The following DYNC1I1 variants were observed in gnomAD, a reference collection of about 807,000 sequenced individuals.
The protein encoded by DYNC1I1 is cytoplasmic dynein 1 intermediate chain 1.
In DYNC1I1, 43 loss-of-function variants were observed where a neutral mutation model predicts 86.6. The ratio of observed to expected loss-of-function variants is 0.50; its 90% CI spans 0.39 to 0.64. DYNC1I1 has a LOEUF of 0.64. DYNC1I1 is among the 30% of genes least tolerant of loss of function. DYNC1I1 has a pLI of 0.00. For synonymous variants in DYNC1I1, 262 were observed against 283.7 expected (o/e 0.92, Z 0.77); for missense variants, 604 against 788.8 (o/e 0.77, Z 2.81).
At chr7:96,093,089 A>C (rs1467182683) in intron 16 of DYNC1I1, among the ~76,000 whole-genome samples, 1 of 152,180 alleles carries the variant, frequency 6.6e-6, no homozygotes, top group Non-Finnish European at 1.5e-5. Context: ...TTCCCAAGGA[A>C]ATTTTTTTAA....
At chr7:95,965,794 A>G (rs530301852) in intron 6 of DYNC1I1, among the ~76,000 whole-genome samples, 1 of 152,300 alleles carries the variant, frequency 6.6e-6, no homozygotes, top group African/African-American at 2.4e-5. Flanking sequence ...ATTGCAAGTG[A>G]CTGAGGAATC....
chr7:95,919,667 C>A (rs1026476343), intron 6 of DYNC1I1, among the ~76,000 whole-genome samples: 9 of 152,154 alleles, frequency 5.9e-5, no homozygotes, highest in Admixed American at 5.9e-4. Context: ...ATCTAAAAAT[C>A]TGTTTTTGAT....
At chr7:96,061,669 C>T (rs1789774894) in intron 14 of DYNC1I1, among the ~76,000 whole-genome samples, 1 of 148,216 alleles carries the variant, frequency 6.7e-6, no homozygotes, top group African/African-American at 2.5e-5. Flanking sequence ...CTCTCTCTTC[C>T]TCTCTCTCTC....
intron 1 of DYNC1I1, among the ~76,000 whole-genome samples, chr7:95,778,294 A>G (rs577530679): frequency 1.4e-4 from 21 of 152,372 alleles, no homozygotes; most frequent in African/African-American, 5.0e-4. Context: ...ACATACAGGC[A>G]AAAGCTGCGG....
intron 6 of DYNC1I1, among the ~76,000 whole-genome samples, chr7:95,922,761 G>A (rs1391201883): frequency 1.3e-5 from 2 of 151,852 alleles, no homozygotes; most frequent in Admixed American, 6.6e-5. Context: ...TCCAGGTTTT[G>A]AAAAAACTAC....
chr7:95,976,474 A>AT (rs1280113653), intron 6 of DYNC1I1, among the ~76,000 whole-genome samples: 3 of 152,168 alleles, frequency 2.0e-5, no homozygotes, highest in Admixed American at 2.0e-4. Flanking sequence ...TGGTGCTGAA[A>AT]TTTTGAGTTG....
intron 12 of DYNC1I1, among the ~76,000 whole-genome samples, chr7:96,034,037 A>T (rs1200626535): frequency 6.6e-6 from 1 of 152,058 alleles, no homozygotes; most frequent in Admixed American, 6.6e-5. Flanking sequence ...TATTATTATT[A>T]TACACACACA....
chr7:96,000,583 A>C (rs1239988034), intron 10 of DYNC1I1, among the ~76,000 whole-genome samples: 1 of 152,142 alleles, frequency 6.6e-6, no homozygotes, highest in African/African-American at 2.4e-5. Context: ...ATCCCAAAAC[A>C]CTTCTTTTCT....
At chr7:95,775,371 A>T (rs528424442) in intron 1 of DYNC1I1, among the ~76,000 whole-genome samples, 1 of 152,368 alleles carries the variant, frequency 6.6e-6, no homozygotes, top group South Asian at 2.1e-4. Flanking sequence ...ATATTTTCCA[A>T]ATAATTAAAT....
chr7:95,782,011 C>T (rs1311856451), intron 1 of DYNC1I1, among the ~76,000 whole-genome samples: 1 of 152,164 alleles, frequency 6.6e-6, no homozygotes, highest in East Asian at 1.9e-4. Context: ...TTCTTGGCCA[C>T]GTTACATGTC....
intron 6 of DYNC1I1, among the ~76,000 whole-genome samples, chr7:95,876,663 A>G (rs902397902): frequency 6.6e-6 from 1 of 152,246 alleles, no homozygotes; most frequent in African/African-American, 2.4e-5. Flanking sequence ...CCTACCTCTC[A>G]TAATCAATGA....
chr7:95,786,119 G>A (rs1794138620), intron 1 of DYNC1I1, among the ~76,000 whole-genome samples: 1 of 151,924 alleles, frequency 6.6e-6, no homozygotes, highest in South Asian at 2.1e-4. Flanking sequence ...TTCTGAAGCA[G>A]GGCAGGACCA....
intron 10 of DYNC1I1, among the ~76,000 whole-genome samples, chr7:96,015,544 C>A (rs1318728701): frequency 6.6e-6 from 1 of 152,112 alleles, no homozygotes; most frequent in Non-Finnish European, 1.5e-5. Context: ...TTTTTATTCA[C>A]ATATTTTTCT....
chr7:95,903,116 G>A (rs988600990), intron 6 of DYNC1I1, among the ~76,000 whole-genome samples: 1 of 152,136 alleles, frequency 6.6e-6, no homozygotes, highest in Non-Finnish European at 1.5e-5. Flanking sequence ...CCAAATCTTG[G>A]TAGCAAGTAT....
chr7:95,912,724 T>C (rs953844685), intron 6 of DYNC1I1, among the ~76,000 whole-genome samples: 3 of 152,140 alleles, frequency 2.0e-5, no homozygotes, highest in African/African-American at 7.2e-5. Flanking sequence ...TCTGTTTGTG[T>C]CCATTGTCTA....
chr7:95,816,469 T>G (rs1794948194), intron 4 of DYNC1I1, among the ~76,000 whole-genome samples: 1 of 152,212 alleles, frequency 6.6e-6, no homozygotes, highest in Non-Finnish European at 1.5e-5. Context: ...ATGCTTCCAT[T>G]GTTATATCCC....
chr7:95,829,370 T>C (rs1227515), intron 5 of DYNC1I1, among the ~76,000 whole-genome samples: 97,330 of 152,030 alleles, frequency 0.64, 31,850 homozygotes, highest in African/African-American at 0.77. Context: ...TTTTTAACCT[T>C]ACTAAATTCT....
At chr7:96,077,472 G>A (rs534446567) in intron 15 of DYNC1I1, among the ~76,000 whole-genome samples, 1 of 152,062 alleles carries the variant, frequency 6.6e-6, no homozygotes, top group Non-Finnish European at 1.5e-5. Flanking sequence ...TAATCAAAAG[G>A]CATGAGTATG....
At chr7:95,966,692 A>G in intron 6 of DYNC1I1, among the ~76,000 whole-genome samples, 1 of 152,214 alleles carries the variant, frequency 6.6e-6, no homozygotes, top group East Asian at 1.9e-4. Flanking sequence ...TGTTTGCCTC[A>G]GTGAGTTATT....
Sources: allele counts gnomAD v4.1 joint callset (sites outside exome capture counted in the v4.1 genomes callset), GRCh38; gene constraint gnomAD v4.1.1; transcripts MANE v1.5; gene names NCBI Gene and HGNC (gene_info 2026-07-23, HGNC 2026-07-21).